Variants in RHBDL2 observed in about 807,000 individuals in gnomAD.
RHBDL2 encodes rhomboid like 2.
In RHBDL2, 26 loss-of-function variants were observed where a neutral mutation model predicts 31.7. The ratio of observed to expected loss-of-function variants is 0.82; its 90% CI spans 0.60 to 1.14. RHBDL2 has a LOEUF of 1.14. Among genes scored for constraint, RHBDL2 ranks in the 50% most tolerant of loss-of-function variants. The pLI is 0.00. For synonymous variants in RHBDL2, 123 were observed against 127.2 expected (o/e 0.97, Z 0.22); for missense variants, 336 against 364.4 (o/e 0.92, Z 0.63).
intron 4 of RHBDL2, among the ~76,000 whole-genome samples, chr1:38,903,357 C>T (rs1017002911): frequency 1.3e-5 from 2 of 151,972 alleles, no homozygotes; most frequent in African/African-American, 2.4e-5. Flanking sequence ...CCAGGCTGGT[C>T]TCGAGCTCCT....
intron 1 of RHBDL2, among the ~76,000 whole-genome samples, chr1:38,920,773 ATTTTTTTTTT>A (rs370633950): frequency 7.3e-6 from 1 of 137,290 alleles, no homozygotes. Context: ...CACCTGGCTA[ATTTTTTTTTT>A]TTTTTGTATT....
Position 38,893,203 on chromosome 1 carries a change from C to G in RHBDL2, c.631G>C (p.Ala211Pro), listed in dbSNP as rs1398712940. 4.5e-6 allele frequency: 7 copies of G among 1,568,374 alleles called. No individual in the cohort carries two copies. The highest frequency in any genetic ancestry group is 6.1e-6 in the Non-Finnish European group (7 of 1,140,078). ...ATCAGCAGTCTGAAAATTCCAAAGG[C>G]AGGAATCATTTCTTGAAAATTCTTA... is the stretch of plus-strand genomic sequence containing the variant. ...VLVNFQEMIP[A>P]FGIFRLLIII... The change falls in exon 6 of 8, where the codon GCC becomes CCC. Residue 211 changes from alanine (A) to proline (P), a missense_variant. Transcript: ENST00000372990.
chr1:38,904,214 T>C (rs1643031142), intron 4 of RHBDL2, among the ~76,000 whole-genome samples: 1 of 152,190 alleles, frequency 6.6e-6, no homozygotes. Flanking sequence ...CTCACGCCTG[T>C]AATCCCAGCG....
intron 4 of RHBDL2, among the ~76,000 whole-genome samples, chr1:38,902,207 T>TC (rs1300281428): frequency 1.6e-5 from 2 of 128,580 alleles, no homozygotes; most frequent in Non-Finnish European, 3.4e-5. Context: ...TTTTCTTTTT[T>TC]TTTTTTTTTT....
chr1:38,911,629 TGTGTGTGTGTGTGTGTGCGCGC>T (rs904718192), intron 3 of RHBDL2, among the ~76,000 whole-genome samples, 195 bp from the exon 4 acceptor site: 4 of 121,960 alleles, frequency 3.3e-5, no homozygotes, highest in African/African-American at 1.1e-4. Context: ...TGTGTGTGTG[TGTGTGTGTGTGTGTGTGCGCGC>T]GCGCGCGCGT....
intron 4 of RHBDL2, among the ~76,000 whole-genome samples, chr1:38,907,840 T>G (rs1421196833): frequency 2.0e-5 from 3 of 152,204 alleles, no homozygotes; most frequent in African/African-American, 7.2e-5. Flanking sequence ...GAAAGGTTTT[T>G]AAGACATAAC....
At chr1:38,923,429 A>C (rs1341017881) in intron 1 of RHBDL2, among the ~76,000 whole-genome samples, 1 of 152,176 alleles carries the variant, frequency 6.6e-6, no homozygotes, top group Non-Finnish European at 1.5e-5. Context: ...ACACTGCTGG[A>C]ATCTATTCAC....
chr1:38,917,069 G>A (rs1483532023), intron 2 of RHBDL2, among the ~76,000 whole-genome samples: 6 of 141,382 alleles, frequency 4.2e-5, no homozygotes, highest in African/African-American at 1.6e-4. Context: ...CCAGGCTGGA[G>A]TGCAGTGGCG....
chr1:38,909,612 G>T (rs1029623114), intron 4 of RHBDL2, among the ~76,000 whole-genome samples: 47 of 151,842 alleles, frequency 3.1e-4, no homozygotes, highest in African/African-American at 1.1e-3. Flanking sequence ...TGTGGTGGCA[G>T]ACACCTGTAA....
Position 38,912,985 on chromosome 1 carries a change from T to TGTGTA in RHBDL2, c.396-1552_396-1551insTACAC, listed in dbSNP as rs780852288. Among the ~76,000 whole-genome samples the TGTGTA allele has an allele frequency of 6.3e-3, 884 of 139,800 alleles. 27 individuals are homozygous for TGTGTA. Among genetic ancestry groups the TGTGTA allele is most frequent in the African/African-American group, 0.02 (728 of 36,950 alleles). 91.7% of individuals were successfully genotyped at this position (139,800 alleles called of 152,430 possible). On this transcript the variant is annotated intron_variant, in intron 3 of 7. Transcript: ENST00000372990. Reference sequence around the variant, plus strand: ...ACACGTGTGTGTGTGTGTGTGTGTATTTTTTTTTTTTTCTTGAGACAGAGT... The same window carrying TGTGTA: ...ACACGTGTGTGTGTGTGTGTGTGTATGTGTATTTTTTTTTTTTCTTGAGACAGAGT...
intron 1 of RHBDL2, among the ~76,000 whole-genome samples, chr1:38,937,321 C>A (rs1288499469): frequency 6.6e-6 from 1 of 152,154 alleles, no homozygotes; most frequent in Non-Finnish European, 1.5e-5. Context: ...GTTTCTCCTG[C>A]CTAATCTCTC....
chr1:38,925,888 AG>A, intron 1 of RHBDL2: 1 of 1,187,064 alleles, frequency 8.4e-7, no homozygotes, highest in Non-Finnish European at 1.1e-6. Flanking sequence ...GCTCACTAAC[AG>A]GCAAAGCCAA....
rs190169966 is a variant in RHBDL2, at chr1:38,889,716, C to T, written c.671-1692G>A. Among the ~76,000 whole-genome samples, 18 of 152,316 alleles carry T rather than the reference C, an allele frequency of 1.2e-4. No homozygotes were observed. In the East Asian group the frequency reaches 2.9e-3, roughly 24 times the overall value. On this transcript the variant is annotated intron_variant, in intron 6 of 7. Coordinates refer to ENST00000372990, the MANE Select transcript of RHBDL2 (RefSeq NM_017821.5). The stretch of plus-strand genomic sequence containing the variant: ...GGATCTGCACTGCAAAAGGAGCTTC[C>T]GACTTCTTGGCCTAGAAGAACTCTG...
intron 7 of RHBDL2, among the ~76,000 whole-genome samples, 170 bp from the exon 8 acceptor site, chr1:38,886,853 GAGA>G (rs1325944342): frequency 6.6e-6 from 1 of 152,226 alleles, no homozygotes; most frequent in African/African-American, 2.4e-5. Flanking sequence ...TGTGCACAGA[GAGA>G]AGGAGATACT....
intron 1 of RHBDL2, chr1:38,925,905 C>A: frequency 8.1e-7 from 1 of 1,230,728 alleles, no homozygotes; most frequent in South Asian, 1.3e-5. Flanking sequence ...GCCAATCATT[C>A]AACTCATATT....
At chr1:38,913,175 G>T (rs1332440041) in intron 3 of RHBDL2, among the ~76,000 whole-genome samples, 2 of 151,198 alleles carry the variant, frequency 1.3e-5, no homozygotes, top group Non-Finnish European at 2.9e-5. Flanking sequence ...TAGAGACGGG[G>T]TTTCACCATG....
rs918491128 is a variant in RHBDL2, at chr1:38,886,444, C to T, written c.*60G>A. On this transcript the variant is annotated 3_prime_UTR_variant, in exon 8 of 8. Transcript: ENST00000372990. ...TTCTCTGTTTCTTCATAGAGTCTTC[C>T]TTTTTTTTTTATTTCCTCCAGATGG... 2 of 1,073,422 alleles carry T rather than the reference C, an allele frequency of 1.9e-6. No homozygotes were observed. Among genetic ancestry groups the T allele is most frequent in the Non-Finnish European group, 1.3e-6 (1 of 788,248 alleles). The allele number at this position is 1,073,422 out of a possible 1,614,324, so 66.5% of individuals were successfully genotyped here. A position where few individuals can be genotyped will look rare whatever the true frequency, so the allele number is the denominator to read the frequency against.
Position 38,896,058 on chromosome 1 carries a change from T to C in RHBDL2, c.520A>G (p.Ser174Gly), listed in dbSNP as rs1642916028. 1 of 1,612,874 alleles carries C rather than the reference T, an allele frequency of 6.2e-7. No individual in the cohort carries two copies. Among genetic ancestry groups the C allele is most frequent in the African/African-American group, 1.3e-5 (1 of 74,880 alleles). ...LAGVIAGSLA[S>G]SIFDPLRYLV... ...TATCTGAGTGGGTCAAAGATGGAGC[T>C]GGCAAGGGACCCTAAAGAAATAAAA... The change falls in exon 5 of 8, where the codon AGC becomes GGC. Residue 174 changes from serine (S) to glycine (G), a missense_variant. Coordinates refer to ENST00000372990, the MANE Select transcript of RHBDL2 (RefSeq NM_017821.5).
chr1:38,911,532 G>C, intron 3 of RHBDL2, 98 bp from the exon 4 acceptor site: 3 of 768,022 alleles, frequency 3.9e-6, no homozygotes, highest in Non-Finnish European at 6.6e-6. Flanking sequence ...TCTAGTTAAG[G>C]ATTTGCTTAA....
Sources: allele counts gnomAD v4.1 joint callset (sites outside exome capture counted in the v4.1 genomes callset), GRCh38; gene constraint gnomAD v4.1.1; transcripts MANE v1.5; gene names NCBI Gene and HGNC (gene_info 2026-07-23, HGNC 2026-07-21).